STAG1: variants seen among roughly 807,000 people sequenced by gnomAD.
STAG1 encodes the protein cohesin subunit SA-1.
Under a neutral mutation model 170.9 loss-of-function variants are expected in STAG1, and 26 were observed. That is an observed-to-expected ratio of 0.15 (90% CI 0.11 to 0.21). STAG1 has a LOEUF of 0.21. Among genes scored for constraint, STAG1 ranks in the 10% least tolerant of loss-of-function variants. The pLI, the probability that STAG1 is intolerant of heterozygous loss-of-function variation, is 1.00. For synonymous variants in STAG1, 514 were observed against 497.7 expected (o/e 1.03, Z -0.44); for missense variants, 964 against 1,509.5 (o/e 0.64, Z 5.99).
chr3:136,399,489 A>G (rs1266126117), intron 21 of STAG1, among the ~76,000 whole-genome samples: 1 of 152,190 alleles, frequency 6.6e-6, no homozygotes, highest in Non-Finnish European at 1.5e-5. Context: ...ATCATACCAT[A>G]TGTATTGAGT....
intron 7 of STAG1, among the ~76,000 whole-genome samples, chr3:136,514,780 G>A (rs1934263216): frequency 6.6e-6 from 1 of 152,090 alleles, no homozygotes; most frequent in African/African-American, 2.4e-5. Flanking sequence ...GATGCAGCTG[G>A]AAACCATCAT....
chr3:136,586,274 ACAT>A lies in STAG1; in HGVS notation c.298-17416_298-17414del, dbSNP rs538542609. ...TATACATATACACACACACACACAC[ACAT>A]CATAATCACAAACACTACAGTCATC... On this transcript the variant is annotated intron_variant, in intron 4 of 33. Transcript: ENST00000383202. Among the ~76,000 whole-genome samples, 82 of 152,126 alleles carry A rather than the reference ACAT, an allele frequency of 5.4e-4. 1 individual carries two copies. The highest frequency in any genetic ancestry group is 8.5e-4 in the Admixed American group (13 of 15,284).
intron 1 of STAG1, among the ~76,000 whole-genome samples, chr3:136,740,014 T>C (rs1934577614): frequency 6.6e-6 from 1 of 152,150 alleles, no homozygotes; most frequent in South Asian, 2.1e-4. Context: ...AGATTCCACA[T>C]CTTACTCTGC....
At chr3:136,675,417 C>T (rs187599399) in intron 1 of STAG1, among the ~76,000 whole-genome samples, 1 of 152,308 alleles carries the variant, frequency 6.6e-6, no homozygotes, top group African/African-American at 2.4e-5. Context: ...ACCAGCAACA[C>T]TGCAACTCTG....
At chr3:136,477,613 T>G (rs554305985) in intron 9 of STAG1, among the ~76,000 whole-genome samples, 1 of 152,240 alleles carries the variant, frequency 6.6e-6, no homozygotes, top group East Asian at 1.9e-4. Flanking sequence ...AAAAAAAGCT[T>G]CTATTAAACT....
intron 3 of STAG1, among the ~76,000 whole-genome samples, chr3:136,621,276 A>G (rs1939838510): frequency 6.6e-6 from 1 of 152,232 alleles, no homozygotes; most frequent in Admixed American, 6.5e-5. Context: ...AGGAGACAGT[A>G]CTTAATCTGA....
intron 26 of STAG1, among the ~76,000 whole-genome samples, chr3:136,362,093 GAT>G (rs1465959659): frequency 6.6e-6 from 1 of 151,838 alleles, no homozygotes; most frequent in Non-Finnish European, 1.5e-5. Context: ...GAGTAGCTGA[GAT>G]TACAGGCACC....
chr3:136,622,280 T>C (rs1002545415), intron 3 of STAG1, among the ~76,000 whole-genome samples: 12 of 151,762 alleles, frequency 7.9e-5, no homozygotes, highest in Admixed American at 1.3e-4. Flanking sequence ...GATTGTGCCA[T>C]TGCACTCCAG....
intron 29 of STAG1, chr3:136,348,957 T>G: frequency 1.7e-6 from 1 of 583,128 alleles, no homozygotes; most frequent in Non-Finnish European, 3.0e-6. Context: ...TTGTGCTCCA[T>G]GCTTCCTCAA....
chr3:136,497,816 C>T (rs1188335153), intron 9 of STAG1, among the ~76,000 whole-genome samples: 1 of 145,562 alleles, frequency 6.9e-6, no homozygotes, highest in African/African-American at 2.6e-5. Flanking sequence ...GATCGCGCCA[C>T]TGCACTCTAG....
chr3:136,679,728 TAAAAAAAAAA>T (rs61069088), intron 1 of STAG1, among the ~76,000 whole-genome samples: 2 of 117,698 alleles, frequency 1.7e-5, no homozygotes, highest in East Asian at 2.7e-4. Context: ...GACTCCGTCT[TAAAAAAAAAA>T]AAAAAAAAAA....
rs937502739 is a variant in STAG1 at position 136,590,980 on chromosome 3, T to G, written c.297+13329A>C. Among the ~76,000 whole-genome samples, 3 of 151,626 alleles carry G rather than the reference T, an allele frequency of 2.0e-5. No individual in the cohort carries two copies. In the East Asian group the frequency reaches 5.8e-4, roughly 29 times the overall value. ...CCCAGAAAAGCTGTATTGGTTTTGGTTGGGTGTTGTTTTGTTTTTTTTTGC... is the reference window on the plus strand; with the variant it reads ...CCCAGAAAAGCTGTATTGGTTTTGGGTGGGTGTTGTTTTGTTTTTTTTTGC... On this transcript the variant is annotated intron_variant, in intron 4 of 33. Coordinates refer to ENST00000383202, the MANE Select transcript of STAG1 (RefSeq NM_005862.3).
intron 1 of STAG1, among the ~76,000 whole-genome samples, chr3:136,692,332 A>AAG (rs1942754892): frequency 6.8e-6 from 1 of 147,884 alleles, no homozygotes; most frequent in Non-Finnish European, 1.5e-5. Flanking sequence ...AAAAAAAAAA[A>AAG]AAAAAAAGTC....
chr3:136,614,366 T>C (rs1341419655), intron 3 of STAG1, among the ~76,000 whole-genome samples: 2 of 152,170 alleles, frequency 1.3e-5, no homozygotes, highest in Admixed American at 6.5e-5. Flanking sequence ...CTATGGTCCA[T>C]AGGGTTATTA....
chr3:136,668,545 C>T (rs1941886875), intron 1 of STAG1, among the ~76,000 whole-genome samples: 2 of 151,336 alleles, frequency 1.3e-5, no homozygotes, highest in Admixed American at 1.3e-4. Flanking sequence ...AAGGAGAAAG[C>T]AAGAGGAGTA....
chr3:136,717,203 T>G (rs1171071056), intron 1 of STAG1, among the ~76,000 whole-genome samples: 2 of 152,224 alleles, frequency 1.3e-5, no homozygotes, highest in Non-Finnish European at 2.9e-5. Flanking sequence ...ACCTTCTCAT[T>G]ATCTTATGAT....
rs553580299 is a variant in STAG1, at chr3:136,348,530, T to C, written c.3271+628A>G. Among the ~76,000 whole-genome samples the C allele has an allele frequency of 2.6e-5, 4 of 152,272 alleles. No homozygotes were observed. In the South Asian group the frequency reaches 8.3e-4, roughly 32 times the overall value. ...CTCAAGTGATTCTCCCACCTCGGCT[T>C]CCCAAGTAGCTGGGACTACAGGTGC... On this transcript the variant is annotated intron_variant, in intron 29 of 33. Coordinates refer to ENST00000383202, the MANE Select transcript of STAG1 (RefSeq NM_005862.3).
chr3:136,360,107 C>A (rs888666919), intron 26 of STAG1, among the ~76,000 whole-genome samples: 5 of 152,074 alleles, frequency 3.3e-5, no homozygotes, highest in African/African-American at 1.2e-4. Context: ...GTGAAAATAA[C>A]AACAAAAACA....
intron 15 of STAG1, among the ~76,000 whole-genome samples, chr3:136,438,771 T>C (rs2088537390): frequency 6.6e-6 from 1 of 152,178 alleles, no homozygotes; most frequent in South Asian, 2.1e-4. Context: ...ACTCATATAG[T>C]TAATAAATAT....
Sources: allele counts gnomAD v4.1 joint callset (sites outside exome capture counted in the v4.1 genomes callset), GRCh38; gene constraint gnomAD v4.1.1; transcripts MANE v1.5; gene names NCBI Gene and HGNC (gene_info 2026-07-23, HGNC 2026-07-21).